The following GRM8 variants were observed in gnomAD, a reference collection of about 807,000 sequenced individuals.
GRM8 encodes the protein metabotropic glutamate receptor 8.
A neutral mutation model predicts 87.2 loss-of-function variants in GRM8; 47 were observed. That is an observed-to-expected ratio of 0.54 (90% CI 0.43 to 0.69). GRM8 has a LOEUF of 0.69. Among genes scored for constraint, GRM8 ranks in the 30% least tolerant of loss-of-function variants. The pLI, the probability that GRM8 is intolerant of heterozygous loss-of-function variation, is 0.00. For synonymous variants in GRM8, 396 were observed against 404.5 expected (o/e 0.98, Z 0.25); for missense variants, 1,019 against 1,139.2 (o/e 0.89, Z 1.52).
At chr7:126,534,050 T>C in intron 8 of GRM8, 163 bp from the exon 9 acceptor site, 1 of 613,098 alleles carries the variant, frequency 1.6e-6, no homozygotes, top group South Asian at 2.1e-5. Flanking sequence ...TTTATGAAAG[T>C]GTTAAGTGAC....
chr7:126,977,214 A>T (rs1586651971), intron 3 of GRM8, among the ~76,000 whole-genome samples: 1 of 152,348 alleles, frequency 6.6e-6, no homozygotes. Flanking sequence ...AGAATTAGCC[A>T]TGGTTCAGAG....
intron 2 of GRM8, among the ~76,000 whole-genome samples, chr7:127,141,223 C>A (rs17865142): frequency 6.6e-6 from 1 of 152,006 alleles, no homozygotes. Context: ...TTTCTTTAAA[C>A]CTAACCCCTC....
intron 8 of GRM8, among the ~76,000 whole-genome samples, chr7:126,585,453 T>C (rs1186876634): frequency 2.0e-5 from 3 of 152,186 alleles, no homozygotes; most frequent in East Asian, 3.8e-4. Flanking sequence ...GGATACTATT[T>C]ATAAAAATCA....
intron 9 of GRM8, among the ~76,000 whole-genome samples, chr7:126,518,500 C>A (rs1053039341): frequency 1.3e-5 from 2 of 151,996 alleles, no homozygotes; most frequent in African/African-American, 4.8e-5. Flanking sequence ...TTTTCTCTTT[C>A]TGCCTAAGAT....
intron 3 of GRM8, among the ~76,000 whole-genome samples, chr7:127,008,591 A>G (rs566458095): frequency 2.0e-5 from 3 of 152,266 alleles, no homozygotes; most frequent in East Asian, 3.9e-4. Context: ...CAGACAAACT[A>G]TTAAAAGTAA....
At chr7:126,555,313 C>G (rs1314078447) in intron 8 of GRM8, among the ~76,000 whole-genome samples, 3 of 152,140 alleles carry the variant, frequency 2.0e-5, no homozygotes, top group African/African-American at 7.2e-5. Flanking sequence ...AAAGGAGATT[C>G]CTATTAATTG....
chr7:126,881,545 A>G (rs1586306888), intron 6 of GRM8, among the ~76,000 whole-genome samples: 2 of 152,232 alleles, frequency 1.3e-5, no homozygotes, highest in East Asian at 3.8e-4. Flanking sequence ...TCAGCTTCGC[A>G]GAGCACAGGG....
At chr7:126,641,735 C>A (rs1047970975) in intron 7 of GRM8, among the ~76,000 whole-genome samples, 2 of 152,080 alleles carry the variant, frequency 1.3e-5, no homozygotes, top group Non-Finnish European at 2.9e-5. Flanking sequence ...ATCCACAGGC[C>A]TCTTTCTACA....
At chr7:126,805,839 A>C (rs1287017637) in intron 6 of GRM8, among the ~76,000 whole-genome samples, 1 of 152,210 alleles carries the variant, frequency 6.6e-6, no homozygotes, top group African/African-American at 2.4e-5. Flanking sequence ...GGTAGAGCAC[A>C]GGCATGAGTC....
chr7:126,800,642 T>C (rs1009825004), intron 6 of GRM8, among the ~76,000 whole-genome samples: 1 of 152,152 alleles, frequency 6.6e-6, no homozygotes, highest in Non-Finnish European at 1.5e-5. Flanking sequence ...GGATCCTTTA[T>C]GTGGTATCCC....
intron 2 of GRM8, among the ~76,000 whole-genome samples, chr7:127,155,331 T>C (rs1792654065): frequency 6.6e-6 from 1 of 152,206 alleles, no homozygotes; most frequent in Non-Finnish European, 1.5e-5. Flanking sequence ...TCTAGAATCA[T>C]AGCTATGTTG....
chr7:126,783,911 C>T (rs1028840746), intron 6 of GRM8, among the ~76,000 whole-genome samples: 5 of 152,136 alleles, frequency 3.3e-5, no homozygotes, highest in Admixed American at 1.3e-4. Context: ...ATCAATAAAA[C>T]ATCAGTGTTC....
intron 6 of GRM8, among the ~76,000 whole-genome samples, chr7:126,883,015 C>T (rs1393629872): frequency 6.6e-6 from 1 of 152,152 alleles, no homozygotes; most frequent in Non-Finnish European, 1.5e-5. Flanking sequence ...CTGAGTTGGT[C>T]AGAGGACAAT....
intron 6 of GRM8, among the ~76,000 whole-genome samples, chr7:126,787,603 C>T (rs1448701746): frequency 6.6e-6 from 1 of 152,098 alleles, no homozygotes; most frequent in Non-Finnish European, 1.5e-5. Flanking sequence ...CTCAAACTTC[C>T]TCTTTTCCTA....
intron 1 of GRM8, among the ~76,000 whole-genome samples, chr7:127,246,696 C>A (rs180672131): frequency 9.6e-4 from 146 of 152,334 alleles, no homozygotes; most frequent in Non-Finnish European, 4.4e-4. Flanking sequence ...GACCCCGAGC[C>A]TGTATCCCCC....
chr7:126,965,254 A>G (rs999141011), intron 3 of GRM8, among the ~76,000 whole-genome samples: 1 of 152,172 alleles, frequency 6.6e-6, no homozygotes. Context: ...ACACGAATAT[A>G]CTTATGTAAC....
intron 6 of GRM8, among the ~76,000 whole-genome samples, chr7:126,897,495 T>C (rs1801657947): frequency 6.6e-6 from 1 of 151,642 alleles, no homozygotes; most frequent in Non-Finnish European, 1.5e-5. Context: ...AGGATGAAGA[T>C]GCAATTCTCA....
intron 6 of GRM8, among the ~76,000 whole-genome samples, chr7:126,819,008 ACCCCAGTTCAGGC>A (rs1033646795): frequency 2.5e-4 from 38 of 151,942 alleles, no homozygotes; most frequent in African/African-American, 8.9e-4. Context: ...CACTGCTAAT[ACCCCAGTTCAGGC>A]CCCCTTCAGC....
chr7:126,528,614 TTGTGTGTGTG>T (rs59437677), intron 9 of GRM8, among the ~76,000 whole-genome samples: 35 of 149,204 alleles, frequency 2.3e-4, no homozygotes, highest in East Asian at 8.0e-4. Flanking sequence ...ACAAAAGAAG[TTGTGTGTGTG>T]TGTGTGTGTG....
Sources: allele counts gnomAD v4.1 joint callset (sites outside exome capture counted in the v4.1 genomes callset), GRCh38; gene constraint gnomAD v4.1.1; transcripts MANE v1.5; gene names NCBI Gene and HGNC (gene_info 2026-07-23, HGNC 2026-07-21).